Variants in TNFAIP8 observed in about 807,000 individuals in gnomAD.
TNFAIP8 encodes TNF alpha induced protein 8.
Under a neutral mutation model 13.3 loss-of-function variants are expected in TNFAIP8, and 7 were observed. The observed-to-expected ratio is 0.52, with a 90% confidence interval of 0.30 to 0.99. The LOEUF (loss-of-function observed/expected upper bound fraction) is 0.99, where lower values mean the gene tolerates loss of function less well. TNFAIP8 is among the 50% of genes least tolerant of loss of function. TNFAIP8 has a pLI of 0.07. For synonymous variants in TNFAIP8, 94 were observed against 87.6 expected (o/e 1.07, Z -0.41); for missense variants, 258 against 236.9 (o/e 1.09, Z -0.58).
At chr5:119,302,267 G>T (rs981381403) in intron 1 of TNFAIP8, among the ~76,000 whole-genome samples, 1 of 152,162 alleles carries the variant, frequency 6.6e-6, no homozygotes, top group African/African-American at 2.4e-5. Flanking sequence ...GAAGATCTGT[G>T]CTCTCAAGGG....
intron 1 of TNFAIP8, among the ~76,000 whole-genome samples, chr5:119,324,568 T>A (rs1251563554): frequency 2.6e-5 from 4 of 152,132 alleles, no homozygotes; most frequent in Non-Finnish European, 4.4e-5. Flanking sequence ...AGACAGAAGA[T>A]TGCCCCAGCC....
intron 1 of TNFAIP8, among the ~76,000 whole-genome samples, chr5:119,278,352 G>GGGAGAGAGAGA (rs376703661): frequency 2.4e-4 from 30 of 123,202 alleles, no homozygotes; most frequent in Non-Finnish European, 4.3e-4. Flanking sequence ...ACAGGAAGGG[G>GGGAGAGAGAGA]GAGAGAGAGA....
intron 1 of TNFAIP8, among the ~76,000 whole-genome samples, chr5:119,390,339 G>C (rs1286473526): frequency 6.6e-6 from 1 of 152,106 alleles, no homozygotes; most frequent in Non-Finnish European, 1.5e-5. Context: ...TATATCAGGA[G>C]TTCTAAGATG....
At chr5:119,268,920 TG>T (rs1329772309) in intron 1 of TNFAIP8, 1 of 699,008 alleles carries the variant, frequency 1.4e-6, no homozygotes, top group African/African-American at 1.8e-5. Flanking sequence ...AAGTGGCTCC[TG>T]GGCGCGCCCG....
chr5:119,346,996 G>A (rs1385113779), intron 1 of TNFAIP8, among the ~76,000 whole-genome samples: 1 of 152,234 alleles, frequency 6.6e-6, no homozygotes, highest in Non-Finnish European at 1.5e-5. Context: ...CTCTTAGGAA[G>A]TTACCAGGTT....
At chr5:119,387,875 TG>T (rs1752740004) in intron 1 of TNFAIP8, among the ~76,000 whole-genome samples, 1 of 152,186 alleles carries the variant, frequency 6.6e-6, no homozygotes, top group African/African-American at 2.4e-5. Flanking sequence ...GGTAATGCTT[TG>T]TATTTTTTTT....
chr5:119,367,011 A>G (rs1751883758), intron 1 of TNFAIP8, among the ~76,000 whole-genome samples: 1 of 152,196 alleles, frequency 6.6e-6, no homozygotes, highest in Non-Finnish European at 1.5e-5. Context: ...AACATGTGTA[A>G]GGGTTAATCG....
intron 1 of TNFAIP8, among the ~76,000 whole-genome samples, chr5:119,329,219 T>C (rs1331934249): frequency 6.6e-6 from 1 of 152,256 alleles, no homozygotes; most frequent in Non-Finnish European, 1.5e-5. Flanking sequence ...ACCCAAGTTA[T>C]CTGATTCTAA....
intron 1 of TNFAIP8, among the ~76,000 whole-genome samples, chr5:119,296,590 T>A (rs542795897): frequency 6.6e-6 from 1 of 152,340 alleles, no homozygotes; most frequent in Non-Finnish European, 1.5e-5. Flanking sequence ...AAATTCTCTT[T>A]TTTGGTTGTG....
intron 1 of TNFAIP8, among the ~76,000 whole-genome samples, chr5:119,308,854 CAAAA>C (rs61628819): frequency 1.4e-4 from 8 of 58,130 alleles, no homozygotes; most frequent in South Asian, 5.9e-4. Flanking sequence ...GACTCCATCT[CAAAA>C]AAAAAAAAAA....
chr5:119,270,460 C>T (rs1748253683), intron 1 of TNFAIP8, among the ~76,000 whole-genome samples: 1 of 152,164 alleles, frequency 6.6e-6, no homozygotes, highest in Non-Finnish European at 1.5e-5. Flanking sequence ...CAGGGTCTTG[C>T]TATGTTGTCC....
chr5:119,336,038 G>A (rs1008962680), intron 1 of TNFAIP8, among the ~76,000 whole-genome samples: 1 of 152,056 alleles, frequency 6.6e-6, no homozygotes, highest in Non-Finnish European at 1.5e-5. Flanking sequence ...GGCTGCAAAG[G>A]CCCTGAGGTG....
intron 1 of TNFAIP8, among the ~76,000 whole-genome samples, chr5:119,379,971 G>C (rs1264052809): frequency 6.6e-6 from 1 of 152,160 alleles, no homozygotes; most frequent in Non-Finnish European, 1.5e-5. Context: ...TTCTGCAGCT[G>C]GCAAGCAGCT....
intron 1 of TNFAIP8, among the ~76,000 whole-genome samples, chr5:119,275,013 A>AT (rs5870846): frequency 0.019 from 2,757 of 142,720 alleles, 71 homozygotes; most frequent in African/African-American, 0.055. Context: ...TTTTTTTTTA[A>AT]TTTTTTTTTT....
intron 1 of TNFAIP8, among the ~76,000 whole-genome samples, chr5:119,334,527 C>G (rs1177119288): frequency 2.0e-5 from 3 of 151,324 alleles, no homozygotes; most frequent in Non-Finnish European, 2.9e-5. Flanking sequence ...TTCATAGAGT[C>G]CTGACTTCTC....
intron 1 of TNFAIP8, among the ~76,000 whole-genome samples, chr5:119,308,888 T>C (rs1749647378): frequency 6.6e-6 from 1 of 151,664 alleles, no homozygotes; most frequent in South Asian, 2.1e-4. Context: ...CATTCTGATA[T>C]TGCACTGGAA....
intron 1 of TNFAIP8, among the ~76,000 whole-genome samples, chr5:119,372,392 C>T (rs1752115254): frequency 6.6e-6 from 1 of 150,494 alleles, no homozygotes; most frequent in African/African-American, 2.4e-5. Flanking sequence ...GGTTGTCTTT[C>T]TTCATAGAAA....
chr5:119,379,986 G>A (rs1218845561), intron 1 of TNFAIP8, among the ~76,000 whole-genome samples: 1 of 152,176 alleles, frequency 6.6e-6, no homozygotes, highest in East Asian at 1.9e-4. Flanking sequence ...GCAGCTTCAT[G>A]GCATTTGGTA....
chr5:119,293,797 T>C (rs1749071265), intron 1 of TNFAIP8, among the ~76,000 whole-genome samples: 1 of 152,146 alleles, frequency 6.6e-6, no homozygotes, highest in Admixed American at 6.5e-5. Context: ...GAAGGTGGGT[T>C]ACAGATGAGA....
Sources: gnomAD v4.1 joint callset for allele counts (sites outside exome capture counted in the v4.1 genomes callset) on GRCh38, gnomAD v4.1.1 for gene constraint, MANE v1.5 for transcripts, NCBI Gene and HGNC (gene_info 2026-07-23, HGNC 2026-07-21) for gene names.